Variants in PDE4D observed in about 807,000 individuals in gnomAD.
PDE4D encodes the protein 3',5'-cyclic-AMP phosphodiesterase 4D.
A neutral mutation model predicts 87.4 loss-of-function variants in PDE4D; 24 were observed. That is an observed-to-expected ratio of 0.27 (90% confidence interval 0.20 to 0.39). PDE4D has a LOEUF of 0.39. PDE4D is among the 10% of genes least tolerant of loss of function. The probability of loss-of-function intolerance (pLI) is 1.00; values close to 1 mark genes in which losing one functional copy is unlikely to be tolerated. For missense variants in PDE4D, 714 were observed against 1,041.0 expected, an observed-to-expected ratio of 0.69 and a Z score of 4.32; for synonymous variants, 384 against 383.2, an observed-to-expected ratio of 1.00 and a Z score of -0.02.
chr5:59,691,655 C>T (rs1750954916), intron 1 of PDE4D, among the ~76,000 whole-genome samples: 1 of 150,946 alleles, frequency 6.6e-6, no homozygotes. Flanking sequence ...ACCAACATGG[C>T]ACATGTATAC....
intron 1 of PDE4D, among the ~76,000 whole-genome samples, chr5:60,373,274 C>T (rs1018214625): frequency 6.6e-6 from 1 of 152,204 alleles, no homozygotes; most frequent in African/African-American, 2.4e-5. Flanking sequence ...AAAACTAGAT[C>T]TAGCAAAAGT....
intron 1 of PDE4D, among the ~76,000 whole-genome samples, chr5:59,236,554 T>G (rs1055629609): frequency 6.6e-6 from 1 of 152,184 alleles, no homozygotes; most frequent in African/African-American, 2.4e-5. Flanking sequence ...GCTGACCTTC[T>G]AGCTTTAACA....
intron 1 of PDE4D, among the ~76,000 whole-genome samples, chr5:59,362,751 A>T (rs566315910): frequency 3.1e-4 from 47 of 152,320 alleles, no homozygotes; most frequent in Admixed American, 3.9e-4. Context: ...AACTTTTTAG[A>T]ATTATGCTTA....
intron 5 of PDE4D, among the ~76,000 whole-genome samples, chr5:59,141,872 A>T (rs7735375): frequency 0.24 from 36,000 of 152,076 alleles, 4,548 homozygotes; most frequent in African/African-American, 0.29. Flanking sequence ...TTATAGCTTC[A>T]GGGGCTCCCT....
intron 2 of PDE4D, among the ~76,000 whole-genome samples, chr5:60,066,592 TATCATCATCATCATC>T (rs55735827): frequency 2.0e-5 from 3 of 149,694 alleles, no homozygotes; most frequent in African/African-American, 4.9e-5. Context: ...TAAAGCAAAT[TATCATCATCATCATC>T]ATCATCATCA....
chr5:59,319,160 ATGTGTG>A (rs59099367), intron 1 of PDE4D, among the ~76,000 whole-genome samples: 2,040 of 139,694 alleles, frequency 0.015, 23 homozygotes, highest in South Asian at 0.04. Context: ...GTACATATAT[ATGTGTG>A]TGTGTGTGTG....
intron 2 of PDE4D, among the ~76,000 whole-genome samples, chr5:59,993,138 C>T (rs1763179109): frequency 6.6e-6 from 1 of 152,140 alleles, no homozygotes; most frequent in South Asian, 2.1e-4. Flanking sequence ...GCATTAGAAT[C>T]ATAGATGGTG....
rs367835504 is a variant in PDE4D, at chr5:60,379,980, A to T, written c.-90+107962T>A. Among the ~76,000 whole-genome samples, 14 of 152,352 alleles carry T rather than the reference A, an allele frequency of 9.2e-5. No individual in the cohort carries two copies. The South Asian group carries it at 2.7e-3, about 29-fold the overall frequency. ...GAATTCAAAGGTGAATGAAATGGTAACTATCTTCAAAAAAGAGCCCTCAAT... is the reference window on the plus strand; with the variant it reads ...GAATTCAAAGGTGAATGAAATGGTATCTATCTTCAAAAAAGAGCCCTCAAT... On this transcript the variant is annotated intron_variant, in intron 1 of 16. Coordinates refer to the PDE4D transcript ENST00000502484.
intron 1 of PDE4D, among the ~76,000 whole-genome samples, chr5:59,403,174 C>CAGAT (rs1192935958): frequency 4.2e-4 from 38 of 90,880 alleles, no homozygotes; most frequent in Middle Eastern, 5.4e-3. Flanking sequence ...GACAGACAGA[C>CAGAT]AGATAGATAG....
chr5:60,456,529 T>C (rs996841972), intron 1 of PDE4D, among the ~76,000 whole-genome samples: 1 of 152,206 alleles, frequency 6.6e-6, no homozygotes, highest in African/African-American at 2.4e-5. Context: ...GGTCAAATGA[T>C]TTTGGTTTTA....
In PDE4D at chr5:59,667,185, T is replaced by C. The variant is rs1304675059; in HGVS notation, c.455+225983A>G. 2.6e-5 allele frequency among the ~76,000 whole-genome samples: 4 copies of C among 152,218 alleles called. No homozygotes were observed. The East Asian group carries it at 5.8e-4, about 22-fold the overall frequency. On this transcript the variant is annotated intron_variant, in intron 1 of 14. Transcript: ENST00000340635. ...TTAGCAAAACATACACATTGTCAGTTAGCCTGAGAATTTTCACTAGGCTTA... is the reference window on the plus strand; with the variant it reads ...TTAGCAAAACATACACATTGTCAGTCAGCCTGAGAATTTTCACTAGGCTTA...
intron 2 of PDE4D, among the ~76,000 whole-genome samples, chr5:60,140,535 G>A (rs1174747387): frequency 7.7e-6 from 1 of 129,816 alleles, no homozygotes; most frequent in Non-Finnish European, 1.6e-5. Context: ...GAGAAAAGGA[G>A]GAAGGAATAA....
intron 5 of PDE4D, among the ~76,000 whole-genome samples, chr5:59,065,956 T>C (rs1192062225): frequency 6.6e-6 from 1 of 152,102 alleles, no homozygotes; most frequent in Non-Finnish European, 1.5e-5. Flanking sequence ...AGGATCCAAG[T>C]AGATGGAGTT....
At chr5:60,409,172 C>T (rs13159422) in intron 1 of PDE4D, among the ~76,000 whole-genome samples, 55,905 of 151,970 alleles carry the variant, frequency 0.37, 11,816 homozygotes, top group African/African-American at 0.57. Flanking sequence ...ATGGCTACTT[C>T]GGTTAGGGTG....
chr5:59,066,779 C>G (rs1763999069), intron 5 of PDE4D, among the ~76,000 whole-genome samples: 2 of 152,088 alleles, frequency 1.3e-5, no homozygotes, highest in South Asian at 4.2e-4. Context: ...GAGCACAGCC[C>G]TTATAAGGGG....
At chr5:60,104,992 A>G (rs928208551) in intron 2 of PDE4D, among the ~76,000 whole-genome samples, 1 of 152,236 alleles carries the variant, frequency 6.6e-6, no homozygotes, top group African/African-American at 2.4e-5. Context: ...CTCACCAGCA[A>G]TGGAACAAAG....
intron 1 of PDE4D, among the ~76,000 whole-genome samples, chr5:59,346,668 G>A (rs1032467287): frequency 4.6e-5 from 7 of 152,028 alleles, no homozygotes; most frequent in South Asian, 2.1e-4. Context: ...GAAAAGCAGC[G>A]CATACAACAG....
At position 59,609,470 on chromosome 5, in the gene PDE4D, T is replaced by C. The variant is rs146372760; in HGVS notation, c.455+283698A>G. The stretch of plus-strand genomic sequence containing the variant: ...CAAGACAAAAAAGAAAAAAGATATG[T>C]GAGCAGAAGCAATACGTGTCACTTC... On this transcript the variant is annotated intron_variant, in intron 1 of 14. Transcript: ENST00000340635. Among the ~76,000 whole-genome samples, 42 of 151,852 alleles carry C rather than the reference T, an allele frequency of 2.8e-4. 1 individual carries two copies. The highest frequency in any genetic ancestry group is 9.9e-4 in the African/African-American group (41 of 41,406).
intron 1 of PDE4D, among the ~76,000 whole-genome samples, chr5:59,219,553 T>C (rs1258295627): frequency 1.3e-5 from 2 of 152,118 alleles, no homozygotes; most frequent in African/African-American, 4.8e-5. Flanking sequence ...GAAATAGTCA[T>C]TGAATAAACT....
Sources: allele counts gnomAD v4.1 joint callset (sites outside exome capture counted in the v4.1 genomes callset), GRCh38; gene constraint gnomAD v4.1.1; transcripts MANE v1.5; gene names NCBI Gene and HGNC (gene_info 2026-07-23, HGNC 2026-07-21).